The following ZNF33B variants were observed in gnomAD, a reference collection of about 807,000 sequenced individuals.
ZNF33B encodes zinc finger protein 11b (KOX 2).
Under a neutral mutation model 45.8 loss-of-function variants are expected in ZNF33B, and 29 were observed. The ratio of observed to expected loss-of-function variants is 0.63; its 90% CI spans 0.47 to 0.86. The LOEUF is 0.86. Among genes scored for constraint, ZNF33B ranks in the 40% least tolerant of loss-of-function variants. The pLI is 0.00. For synonymous variants in ZNF33B, 305 were observed against 307.8 expected (o/e 0.99, Z 0.10); for missense variants, 831 against 909.9 (o/e 0.91, Z 1.12).
At chr10:42,637,817 T>C (rs1377231204) in intron 1 of ZNF33B, among the ~76,000 whole-genome samples, 1 of 152,148 alleles carries the variant, frequency 6.6e-6, no homozygotes, top group Non-Finnish European at 1.5e-5. Context: ...CACGCATGGC[T>C]ACTTTTAGTA....
At chr10:42,634,667 A>T (rs1017644061) in intron 2 of ZNF33B, among the ~76,000 whole-genome samples, 34 of 152,352 alleles carry the variant, frequency 2.2e-4, no homozygotes, top group African/African-American at 7.5e-4. Flanking sequence ...TGATGAAAAT[A>T]TCACAATGTA....
intron 4 of ZNF33B, among the ~76,000 whole-genome samples, chr10:42,617,583 T>C (rs553689728): frequency 7.9e-5 from 12 of 152,306 alleles, no homozygotes; most frequent in African/African-American, 2.4e-4. Flanking sequence ...CATGCATTAG[T>C]TGTGTATATT....
intron 2 of ZNF33B, among the ~76,000 whole-genome samples, chr10:42,635,626 A>G (rs1232303603): frequency 6.6e-6 from 1 of 151,814 alleles, no homozygotes; most frequent in Non-Finnish European, 1.5e-5. Context: ...CCTGGCCAAC[A>G]TGGTGAAACC....
intron 2 of ZNF33B, among the ~76,000 whole-genome samples, chr10:42,636,194 C>A (rs1369293660): frequency 6.6e-6 from 1 of 152,036 alleles, no homozygotes; most frequent in African/African-American, 2.4e-5. Context: ...AACAGTACAT[C>A]CAAAAGAAAA....
intron 4 of ZNF33B, among the ~76,000 whole-genome samples, chr10:42,609,234 G>A (rs1369317745): frequency 6.6e-6 from 1 of 152,060 alleles, no homozygotes; most frequent in Non-Finnish European, 1.5e-5. Flanking sequence ...CAGGCAACAT[G>A]GTGAAACCCC....
At chr10:42,612,036 C>A (rs1838118684) in intron 4 of ZNF33B, among the ~76,000 whole-genome samples, 1 of 151,880 alleles carries the variant, frequency 6.6e-6, no homozygotes, top group Admixed American at 6.6e-5. Flanking sequence ...GAGAAAGTAT[C>A]CAGTGTCTCA....
chr10:42,607,181 G>C (rs147637999), intron 4 of ZNF33B, among the ~76,000 whole-genome samples: 47 of 152,248 alleles, frequency 3.1e-4, no homozygotes, highest in African/African-American at 1.0e-3. Context: ...TATTTTACTA[G>C]AGTTAAGGTA....
intron 4 of ZNF33B, among the ~76,000 whole-genome samples, chr10:42,628,587 C>A (rs1838917233): frequency 6.6e-6 from 1 of 152,032 alleles, no homozygotes; most frequent in Admixed American, 6.6e-5. Flanking sequence ...TTCTTTTTGT[C>A]TAATAGTTTT....
At chr10:42,626,842 T>C (rs1438104924) in intron 4 of ZNF33B, among the ~76,000 whole-genome samples, 1 of 152,096 alleles carries the variant, frequency 6.6e-6, no homozygotes, top group Non-Finnish European at 1.5e-5. Context: ...ACACAGAAAT[T>C]GGTTTTTTGG....
chr10:42,583,671 A>T (rs1319209484), intron 1 of ZNF33B, among the ~76,000 whole-genome samples: 1 of 152,110 alleles, frequency 6.6e-6, no homozygotes, highest in African/African-American at 2.4e-5. Flanking sequence ...TTTGTGGGAA[A>T]ATCTTGCCAT....
In ZNF33B at chr10:42,632,471, AAG is replaced by A. The variant is rs771007143; in HGVS notation, c.10-34_10-33del. 13 of 1,607,276 alleles carry A rather than the reference AAG, an allele frequency of 8.1e-6. No homozygotes were observed. The Admixed American group carries it at 2.3e-4, about 28-fold the overall frequency. On this transcript the variant is annotated intron_variant, in intron 2 of 4. Coordinates refer to ENST00000359467, the MANE Select transcript of ZNF33B (RefSeq NM_006955.3). ...TGTTCAGAATTAGGTGGCATGAAAA[AAG>A]AAGTATGGGCTAATCCTTACCATGA...
At chr10:42,586,150 A>ATTTTTTTTTTTT (rs67457246), downstream of ZNF33B, among the ~76,000 whole-genome samples, 1 of 121,548 alleles carries the variant, frequency 8.2e-6, no homozygotes. Flanking sequence ...TTTTCCTCAG[A>ATTTTTTTTTTTT]TTTTTTTTTT....
chr10:42,595,038 T>G (rs1191754227), intron 4 of ZNF33B, among the ~76,000 whole-genome samples: 3 of 152,198 alleles, frequency 2.0e-5, no homozygotes, highest in African/African-American at 7.2e-5. Flanking sequence ...AAGGTCAGCA[T>G]AAGTGGAGCA....
intron 1 of ZNF33B, chr10:42,583,379 G>T (rs895995976): frequency 3.8e-5 from 14 of 363,750 alleles, no homozygotes; most frequent in African/African-American, 2.3e-4. Context: ...CAGAATCTAG[G>T]TAAGTTTTCT....
intron 4 of ZNF33B, among the ~76,000 whole-genome samples, chr10:42,620,898 A>C (rs1466516678): frequency 1.3e-5 from 2 of 152,174 alleles, no homozygotes; most frequent in Non-Finnish European, 2.9e-5. Flanking sequence ...AAAGAAGGAT[A>C]CTATATATGA....
chr10:42,580,850 C>A lies in ZNF33B; in HGVS notation c.74-6172G>T, dbSNP rs141727648. ...CAGAGGTTGCAGTGAGCTAAGATCG[C>A]GCCACTGCACTCCAGCCTGGGTAAC... On this transcript the variant is annotated intron_variant, in intron 1 of 1. Coordinates refer to the ZNF33B transcript ENST00000462075. 4.6e-3 allele frequency among the ~76,000 whole-genome samples: 693 copies of A among 151,444 alleles called. 20 individuals are homozygous for A. In the South Asian group the frequency reaches 0.069, roughly 15 times the overall value.
chr10:42,586,654 TCA>T (rs1836942719), downstream of ZNF33B, among the ~76,000 whole-genome samples: 1 of 152,212 alleles, frequency 6.6e-6, no homozygotes, highest in African/African-American at 2.4e-5. Flanking sequence ...CATAATAGTC[TCA>T]CAGTTTCCCC....
Position 42,594,747 on chromosome 10 carries a change from CTT to C in ZNF33B, c.251-50_251-49del, listed in dbSNP as rs1402288250. Reference sequence around the variant, plus strand: ...TTACCATATAAATACCAAAACATCTCTTAGGGAATGAAATCTCTACACAAATG... The same window carrying C: ...TTACCATATAAATACCAAAACATCTCAGGGAATGAAATCTCTACACAAATG... On this transcript the variant is annotated intron_variant, in intron 4 of 4. Transcript: ENST00000359467. The C allele has an allele frequency of 2.7e-5, 41 of 1,506,622 alleles. 1 individual carries two copies. The highest frequency in any genetic ancestry group is 3.4e-5 in the Non-Finnish European group (38 of 1,134,060). 93.3% of individuals were successfully genotyped at this position (1,506,622 alleles called of 1,614,324 possible).
chr10:42,577,419 C>A (rs1266409346), intron 1 of ZNF33B, among the ~76,000 whole-genome samples: 1 of 152,210 alleles, frequency 6.6e-6, no homozygotes, highest in Admixed American at 6.5e-5. Flanking sequence ...TCCTTCTCCC[C>A]TGTGACCTCC....
Sources: gnomAD v4.1 joint callset for allele counts (sites outside exome capture counted in the v4.1 genomes callset) on GRCh38, gnomAD v4.1.1 for gene constraint, MANE v1.5 for transcripts, NCBI Gene and HGNC (gene_info 2026-07-23, HGNC 2026-07-21) for gene names.